Variants in DOCK9 observed in about 807,000 individuals in gnomAD.
The protein encoded by DOCK9 is dedicator of cytokinesis protein 9.
A neutral mutation model predicts 263.3 loss-of-function variants in DOCK9; 89 were observed. That is an observed-to-expected ratio of 0.34 (90% CI 0.28 to 0.40). The LOEUF (loss-of-function observed/expected upper bound fraction) is 0.40, where lower values mean the gene tolerates loss of function less well. Among genes scored for constraint, DOCK9 ranks in the 10% least tolerant of loss-of-function variants. The probability of loss-of-function intolerance (pLI) is 1.00; values close to 1 mark genes in which losing one functional copy is unlikely to be tolerated. For missense variants in DOCK9, 2,140 were observed against 2,603.4 expected (o/e 0.82, Z 3.87); for synonymous variants, 976 against 973.1 (o/e 1.00, Z -0.06).
At position 98,824,488 on chromosome 13, in the gene DOCK9, T is replaced by A; in HGVS notation, c.5040A>T (p.Gly1680=). ...YLTRKGVFRQ[G]CTAFRVITPN... ...GGGTAATGACCCTGAAGGCGGTGCATCCTTGTCTAAACACGCCTAGGAAGA... is the reference window on the plus strand; with the variant it reads ...GGGTAATGACCCTGAAGGCGGTGCAACCTTGTCTAAACACGCCTAGGAAGA... Residue 1680 remains glycine (G), a synonymous_variant, in exon 45 of 53, where the codon GGA becomes GGT. Transcript: ENST00000682017. The A allele has an allele frequency of 1.2e-6, 2 of 1,613,756 alleles. No individual in the cohort carries two copies. The highest frequency in any genetic ancestry group is 1.7e-6 in the Non-Finnish European group (2 of 1,179,752).
At chr13:98,820,333 G>T (rs565276153) in intron 45 of DOCK9, among the ~76,000 whole-genome samples, 1 of 152,092 alleles carries the variant, frequency 6.6e-6, no homozygotes, top group African/African-American at 2.4e-5. Context: ...ACAGCAAACC[G>T]CCAACAAAAT....
intron 1 of DOCK9, among the ~76,000 whole-genome samples, chr13:99,032,391 G>T (rs1365575519): frequency 6.6e-6 from 1 of 151,664 alleles, no homozygotes; most frequent in African/African-American, 2.4e-5. Flanking sequence ...CAGGCGAATT[G>T]CTTGAACCCA....
chr13:99,048,145 G>A (rs889146369), intron 1 of DOCK9, among the ~76,000 whole-genome samples: 6 of 152,110 alleles, frequency 3.9e-5, no homozygotes, highest in African/African-American at 1.2e-4. Context: ...ATCTTCATAC[G>A]GTGTTTAAAA....
Position 98,880,602 on chromosome 13 carries a change from A to G in DOCK9, c.2816T>C (p.Met939Thr). 2 of 1,613,940 alleles carry G rather than the reference A, an allele frequency of 1.2e-6. No individual in the cohort carries two copies. The highest frequency in any genetic ancestry group is 1.1e-5 in the South Asian group (1 of 91,054). ...KTVHEELTKS[M>T]TTILKPSADF... Reference sequence around the variant, plus strand: ...GGCAGAAGGCTTGAGAATCGTGGTCATGGATTTGGTCAGTTCTTCATGCAC... The same window carrying G: ...GGCAGAAGGCTTGAGAATCGTGGTCGTGGATTTGGTCAGTTCTTCATGCAC... The change falls in exon 26 of 53, where the codon ATG (methionine) becomes ACG (threonine). Residue 939 changes from methionine to threonine, a missense_variant. By Grantham distance (81) the Met-to-Thr change is moderately conservative. Transcript: ENST00000682017.
intron 38 of DOCK9, among the ~76,000 whole-genome samples, chr13:98,842,801 C>G (rs2093268423): frequency 6.6e-6 from 1 of 152,214 alleles, no homozygotes; most frequent in South Asian, 2.1e-4. Flanking sequence ...CCTAAGTGTT[C>G]TAAAGTTTAT....
intron 2 of DOCK9, among the ~76,000 whole-genome samples, chr13:98,934,411 T>G (rs796933536): frequency 3.9e-5 from 6 of 152,330 alleles, no homozygotes; most frequent in African/African-American, 1.4e-4. Flanking sequence ...AGAACCATCT[T>G]GGACATTCCA....
At chr13:99,085,310 G>T (rs2042284542) in intron 1 of DOCK9, among the ~76,000 whole-genome samples, 1 of 152,210 alleles carries the variant, frequency 6.6e-6, no homozygotes, top group African/African-American at 2.4e-5. Flanking sequence ...CCCGTTTCAA[G>T]AAAACAAATG....
chr13:98,871,229 A>G (rs2094177350), intron 27 of DOCK9, among the ~76,000 whole-genome samples: 1 of 152,218 alleles, frequency 6.6e-6, no homozygotes, highest in Admixed American at 6.5e-5. Context: ...CTACAAGGTA[A>G]AAATGTGAGG....
intron 7 of DOCK9, among the ~76,000 whole-genome samples, chr13:98,919,875 A>G (rs1182801898): frequency 2.0e-5 from 3 of 151,950 alleles, no homozygotes; most frequent in Non-Finnish European, 4.4e-5. Context: ...CCTTAACTCT[A>G]TTTTCTCTCA....
intron 1 of DOCK9, among the ~76,000 whole-genome samples, chr13:99,039,233 T>C (rs941138787): frequency 1.3e-5 from 2 of 152,212 alleles, no homozygotes; most frequent in Non-Finnish European, 2.9e-5. Flanking sequence ...AATAATTATG[T>C]TCACAAACTC....
At chr13:98,911,130 T>C (rs36003493) in intron 9 of DOCK9, among the ~76,000 whole-genome samples, 19,435 of 152,222 alleles carry the variant, frequency 0.13, 1,346 homozygotes, top group South Asian at 0.2. Context: ...CAGATACCCA[T>C]GTGCTGAGTG....
chr13:98,945,504 T>C lies in DOCK9; in HGVS notation c.243+9931A>G, dbSNP rs75149610. On this transcript the variant is annotated intron_variant, in intron 2 of 52. Transcript: ENST00000682017. ...TCCTCTGGGCCCTCTAGTGTCTTCT[T>C]TTCCCAGTCCAGGGTCCACCTCCAA... 3.7e-3 allele frequency among the ~76,000 whole-genome samples: 570 copies of C among 152,228 alleles called. 4 individuals carry two copies. The highest frequency in any genetic ancestry group is 0.013 in the African/African-American group (545 of 41,528).
chr13:99,026,770 T>G (rs961981026), intron 1 of DOCK9, among the ~76,000 whole-genome samples: 1 of 152,212 alleles, frequency 6.6e-6, no homozygotes, highest in East Asian at 1.9e-4. Context: ...ACAGGAGATA[T>G]GAAATTTTAT....
chr13:98,801,818 A>G (rs1280190759), intron 49 of DOCK9, among the ~76,000 whole-genome samples: 1 of 152,254 alleles, frequency 6.6e-6, no homozygotes, highest in Non-Finnish European at 1.5e-5. Flanking sequence ...AGCCCCTGTG[A>G]AACACAGAGT....
chr13:99,062,715 A>C (rs2041245348), intron 1 of DOCK9, among the ~76,000 whole-genome samples: 1 of 152,146 alleles, frequency 6.6e-6, no homozygotes, highest in South Asian at 2.1e-4. Context: ...CTCAATACCA[A>C]ATGGGTTACT....
intron 1 of DOCK9, among the ~76,000 whole-genome samples, chr13:99,074,701 T>C (rs2041837690): frequency 6.6e-6 from 1 of 152,260 alleles, no homozygotes; most frequent in Non-Finnish European, 1.5e-5. Context: ...AGAAACTGCC[T>C]CTTCTTTTCC....
At position 98,850,044 on chromosome 13, in the gene DOCK9, T is replaced by C. The variant is rs1222436353; in HGVS notation, c.4013+3A>G. 1.3e-6 allele frequency: 2 copies of C among 1,563,756 alleles called. No individual in the cohort carries two copies. On this transcript the variant is annotated splice_donor_region_variant and intron_variant, in intron 36 of 52. Coordinates refer to ENST00000682017, the MANE Select transcript of DOCK9 (RefSeq NM_001366683.2). ...GGCAGTGATCAAAGAGAAAGCTACT[T>C]ACTCAGATATTGTAAAAAAATCCAT...
chr13:99,035,067 T>C (rs1887724135), intron 1 of DOCK9, among the ~76,000 whole-genome samples: 1 of 152,244 alleles, frequency 6.6e-6, no homozygotes, highest in African/African-American at 2.4e-5. Flanking sequence ...TGTGTTTCTG[T>C]CTTCTGTCTC....
At chr13:98,808,723 A>C (rs777817091) in intron 47 of DOCK9, 1 of 1,278,522 alleles carries the variant, frequency 7.8e-7, no homozygotes, top group Non-Finnish European at 1.1e-6. Context: ...AGGTTATATA[A>C]TGCTCATAGA....
Sources: allele counts gnomAD v4.1 joint callset (sites outside exome capture counted in the v4.1 genomes callset), GRCh38; gene constraint gnomAD v4.1.1; transcripts MANE v1.5; gene names NCBI Gene and HGNC (gene_info 2026-07-23, HGNC 2026-07-21).